Variants in BMP6 observed in about 807,000 individuals in gnomAD.
BMP6 encodes VG-1-R.
Under a neutral mutation model 54.1 loss-of-function variants are expected in BMP6, and 17 were observed. The observed-to-expected ratio is 0.31, with a 90% CI of 0.22 to 0.47. The LOEUF is 0.47. Ranked by LOEUF, BMP6 falls within the 20% of genes least tolerant of loss-of-function variation. The pLI, the probability that BMP6 is intolerant of heterozygous loss-of-function variation, is 1.00. For synonymous variants in BMP6, 328 were observed against 291.2 expected, an observed-to-expected ratio of 1.13 and a Z score of -1.28; for missense variants, 720 against 690.4, an observed-to-expected ratio of 1.04 and a Z score of -0.48.
chr6:7,785,559 A>G (rs1167455639), intron 1 of BMP6, among the ~76,000 whole-genome samples: 2 of 152,334 alleles, frequency 1.3e-5, no homozygotes, highest in African/African-American at 4.8e-5. Flanking sequence ...TTCAACTCCA[A>G]TTTGGTCTGA....
At chr6:7,827,811 T>G (rs1478431075) in intron 1 of BMP6, among the ~76,000 whole-genome samples, 3 of 152,254 alleles carry the variant, frequency 2.0e-5, no homozygotes, top group African/African-American at 7.2e-5. Flanking sequence ...ACTTTATTTC[T>G]GTCTTTCTGA....
At chr6:7,790,697 C>T (rs889467589) in intron 1 of BMP6, among the ~76,000 whole-genome samples, 12 of 152,026 alleles carry the variant, frequency 7.9e-5, no homozygotes, top group African/African-American at 2.4e-4. Flanking sequence ...AGAGTTTGTC[C>T]GTAGCATCAT....
At chr6:7,775,470 G>A (rs270382) in intron 1 of BMP6, among the ~76,000 whole-genome samples, 93,125 of 152,142 alleles carry the variant, frequency 0.61, 31,367 homozygotes, top group Non-Finnish European at 0.76. Flanking sequence ...TCTCCTGCAT[G>A]CTCTCAAAGC....
At chr6:7,808,132 G>C (rs1290497954) in intron 1 of BMP6, among the ~76,000 whole-genome samples, 1 of 152,026 alleles carries the variant, frequency 6.6e-6, no homozygotes, top group East Asian at 1.9e-4. Context: ...GTGTTAGCCA[G>C]GATGGTCTTG....
At chr6:7,812,624 G>A (rs553078285) in intron 1 of BMP6, among the ~76,000 whole-genome samples, 161 of 152,136 alleles carry the variant, frequency 1.1e-3, no homozygotes, top group African/African-American at 3.8e-3. Context: ...TATATTTGTT[G>A]CAAATATGAT....
chr6:7,822,283 G>C (rs1162480639), intron 1 of BMP6, among the ~76,000 whole-genome samples: 1 of 152,234 alleles, frequency 6.6e-6, no homozygotes, highest in Non-Finnish European at 1.5e-5. Flanking sequence ...GCCTCCCAAA[G>C]TGTTGGGATT....
chr6:7,834,057 T>G (rs1348194365), intron 1 of BMP6, among the ~76,000 whole-genome samples: 1 of 152,090 alleles, frequency 6.6e-6, no homozygotes, highest in Non-Finnish European at 1.5e-5. Context: ...CTAGCGCTGA[T>G]CCTGAGACCA....
intron 4 of BMP6, among the ~76,000 whole-genome samples, chr6:7,872,483 G>A (rs1160090235): frequency 6.6e-6 from 1 of 152,176 alleles, no homozygotes; most frequent in Non-Finnish European, 1.5e-5. Context: ...AGAAAAACAG[G>A]AGAGTTGAAT....
At chr6:7,861,104 A>C (rs1318266126) in intron 2 of BMP6, among the ~76,000 whole-genome samples, 1 of 152,088 alleles carries the variant, frequency 6.6e-6, no homozygotes, top group Non-Finnish European at 1.5e-5. Context: ...AAAATAAAAA[A>C]GTTTTTTAAA....
chr6:7,790,783 G>A (rs775467394), intron 1 of BMP6, among the ~76,000 whole-genome samples: 26 of 152,170 alleles, frequency 1.7e-4, no homozygotes, highest in Middle Eastern at 3.4e-3. Context: ...ATAGGACATC[G>A]CCACATGGCC....
chr6:7,818,910 G>A (rs1471771098), intron 1 of BMP6, among the ~76,000 whole-genome samples: 1 of 152,204 alleles, frequency 6.6e-6, no homozygotes, highest in South Asian at 2.1e-4. Context: ...TTATAAACAC[G>A]TGAAATTGGC....
chr6:7,850,049 C>T (rs564154789), intron 2 of BMP6, among the ~76,000 whole-genome samples: 32 of 152,272 alleles, frequency 2.1e-4, no homozygotes, highest in South Asian at 1.5e-3. Context: ...ATATATTCAT[C>T]GTAACTTCAG....
At chr6:7,728,459 C>A (rs1179958347) in intron 1 of BMP6, among the ~76,000 whole-genome samples, 4 of 152,168 alleles carry the variant, frequency 2.6e-5, no homozygotes, top group Non-Finnish European at 5.9e-5. Flanking sequence ...AATGGAGCTC[C>A]GCCACAAATG....
rs1561780350 is a variant in BMP6, at chr6:7,813,674, C to CAA, written c.665-31466_665-31465insAA. 8.6e-5 allele frequency among the ~76,000 whole-genome samples: 9 copies of CAA among 104,802 alleles called. 3 individuals carry two copies. Among genetic ancestry groups the CAA allele is most frequent in the African/African-American group, 2.5e-4 (7 of 27,668 alleles). The allele number at this position is 104,802 out of a possible 152,430, so 68.8% of individuals were successfully genotyped here. On this transcript the variant is annotated intron_variant, in intron 1 of 6. Coordinates refer to ENST00000283147, the MANE Select transcript of BMP6 (RefSeq NM_001718.6). ...AAAAAAAAAAAAAAAAAAAAACCCA[C>CAA]CAAACCCAGTATAGAAAATATATAT... is the stretch of plus-strand genomic sequence containing the variant.
chr6:7,876,670 GTTAA>G (rs767376770), intron 4 of BMP6, among the ~76,000 whole-genome samples: 44 of 152,212 alleles, frequency 2.9e-4, no homozygotes, highest in Non-Finnish European at 5.3e-4. Flanking sequence ...TGTTTAATCT[GTTAA>G]TTAGACAACT....
At chr6:7,805,603 A>T (rs891827568) in intron 1 of BMP6, among the ~76,000 whole-genome samples, 2 of 152,208 alleles carry the variant, frequency 1.3e-5, no homozygotes, top group African/African-American at 4.8e-5. Context: ...ACCCCATTAG[A>T]GTTTCATAGA....
intron 4 of BMP6, among the ~76,000 whole-genome samples, chr6:7,864,855 T>C (rs1431182064): frequency 6.6e-6 from 1 of 152,222 alleles, no homozygotes; most frequent in African/African-American, 2.4e-5. Context: ...AGAGGCAGCC[T>C]GCTGAACAGA....
At chr6:7,820,123 T>C (rs927478777) in intron 1 of BMP6, among the ~76,000 whole-genome samples, 5 of 152,244 alleles carry the variant, frequency 3.3e-5, no homozygotes, top group Admixed American at 3.3e-4. Flanking sequence ...TTATTCATAC[T>C]CCATCATCCA....
chr6:7,772,886 C>T (rs1053519826), intron 1 of BMP6, among the ~76,000 whole-genome samples: 1 of 152,166 alleles, frequency 6.6e-6, no homozygotes, highest in East Asian at 1.9e-4. Flanking sequence ...AACATTTGAT[C>T]TGATTACTTT....
Sources: allele counts gnomAD v4.1 joint callset (sites outside exome capture counted in the v4.1 genomes callset), GRCh38; gene constraint gnomAD v4.1.1; transcripts MANE v1.5; gene names NCBI Gene and HGNC (gene_info 2026-07-23, HGNC 2026-07-21).